RBFOX1: variants seen among roughly 807,000 people sequenced by gnomAD.
The protein encoded by RBFOX1 is RNA binding protein fox-1 homolog 1.
Under a neutral mutation model 57.7 loss-of-function variants are expected in RBFOX1, and 8 were observed. The observed-to-expected ratio is 0.14, with a 90% CI of 0.08 to 0.25. RBFOX1 has a LOEUF of 0.25. Among genes scored for constraint, RBFOX1 ranks in the 10% least tolerant of loss-of-function variants. RBFOX1 has a pLI of 1.00. For missense variants in RBFOX1, 611 were observed against 548.5 expected, an observed-to-expected ratio of 1.11 and a Z score of -1.14; for synonymous variants, 326 against 222.4, an observed-to-expected ratio of 1.47 and a Z score of -4.15.
At chr16:5,578,267 T>C (rs2046537167) in intron 2 of RBFOX1, among the ~76,000 whole-genome samples, 2 of 152,282 alleles carry the variant, frequency 1.3e-5, no homozygotes, top group South Asian at 4.2e-4. Flanking sequence ...TTGTGATGGA[T>C]GACCTGGGCT....
At chr16:6,046,325 A>G (rs1466881394) in intron 1 of RBFOX1, among the ~76,000 whole-genome samples, 1 of 152,176 alleles carries the variant, frequency 6.6e-6, no homozygotes, top group African/African-American at 2.4e-5. Flanking sequence ...AGCATGAATG[A>G]CTTCTAGCAA....
chr16:5,316,258 G>T (rs553705382), intron 1 of RBFOX1, among the ~76,000 whole-genome samples: 1 of 152,318 alleles, frequency 6.6e-6, no homozygotes, highest in African/African-American at 2.4e-5. Context: ...GGAAAGATCT[G>T]TGCCTTCTCA....
intron 1 of RBFOX1, among the ~76,000 whole-genome samples, chr16:6,307,192 G>A (rs1395867793): frequency 6.6e-5 from 10 of 152,240 alleles, no homozygotes; most frequent in African/African-American, 2.4e-4. Context: ...AATAATGGTG[G>A]TTGTGCTTAG....
At chr16:6,350,646 C>G (rs1041963569) in intron 2 of RBFOX1, among the ~76,000 whole-genome samples, 7 of 152,100 alleles carry the variant, frequency 4.6e-5, no homozygotes, top group Non-Finnish European at 1.0e-4. Flanking sequence ...CCTTTTAAAT[C>G]ACTTCTCTGT....
At chr16:6,241,180 A>G (rs2097538298) in intron 1 of RBFOX1, among the ~76,000 whole-genome samples, 2 of 152,246 alleles carry the variant, frequency 1.3e-5, no homozygotes. Flanking sequence ...AGAGATAAAA[A>G]TAAGCGAAAT....
At chr16:5,788,280 T>C (rs2054576333) in intron 3 of RBFOX1, among the ~76,000 whole-genome samples, 1 of 152,172 alleles carries the variant, frequency 6.6e-6, no homozygotes, top group Non-Finnish European at 1.5e-5. Flanking sequence ...ATTTTTAAAT[T>C]GTATTAACTG....
intron 4 of RBFOX1, among the ~76,000 whole-genome samples, chr16:7,257,710 C>T (rs140705218): frequency 7.6e-4 from 116 of 152,318 alleles, no homozygotes; most frequent in African/African-American, 2.5e-3. Flanking sequence ...GAAATCTCTC[C>T]CTTGCTCTGT....
intron 4 of RBFOX1, among the ~76,000 whole-genome samples, chr16:7,151,556 G>T (rs181243109): frequency 6.6e-6 from 1 of 152,276 alleles, no homozygotes; most frequent in Admixed American, 6.5e-5. Flanking sequence ...TGGCATTAGG[G>T]ACTGGTTTCA....
chr16:6,632,468 G>C (rs914037239), intron 2 of RBFOX1, among the ~76,000 whole-genome samples: 2 of 152,216 alleles, frequency 1.3e-5, no homozygotes, highest in Non-Finnish European at 2.9e-5. Flanking sequence ...TAGTGTTACA[G>C]TATTTCCTTG....
At chr16:6,917,362 A>G (rs2073433620) in intron 3 of RBFOX1, among the ~76,000 whole-genome samples, 2 of 152,254 alleles carry the variant, frequency 1.3e-5, no homozygotes, top group African/African-American at 2.4e-5. Context: ...GGGATTGCAC[A>G]TGAAATGAAG....
intron 3 of RBFOX1, among the ~76,000 whole-genome samples, chr16:6,790,636 G>A (rs903365522): frequency 2.0e-5 from 3 of 152,000 alleles, no homozygotes; most frequent in Non-Finnish European, 2.9e-5. Context: ...CTGTAGTTAG[G>A]ACTCTGAGCT....
At chr16:5,704,816 A>G (rs1230543975) in intron 3 of RBFOX1, among the ~76,000 whole-genome samples, 1 of 152,190 alleles carries the variant, frequency 6.6e-6, no homozygotes, top group African/African-American at 2.4e-5. Flanking sequence ...GGCCAGTGCC[A>G]GGACCCCCTT....
chr16:6,750,413 C>T (rs1444303701), intron 3 of RBFOX1, among the ~76,000 whole-genome samples: 3 of 152,212 alleles, frequency 2.0e-5, no homozygotes, highest in Non-Finnish European at 4.4e-5. Flanking sequence ...AAGCTGAAAC[C>T]AGGGTGGCTC....
chr16:6,519,751 C>A (rs2096463180), intron 2 of RBFOX1, among the ~76,000 whole-genome samples: 1 of 152,042 alleles, frequency 6.6e-6, no homozygotes, highest in African/African-American at 2.4e-5. Context: ...TACCCACCAC[C>A]TATTGTATGC....
intron 2 of RBFOX1, among the ~76,000 whole-genome samples, chr16:6,519,323 G>T (rs8061576): frequency 0.029 from 4,482 of 152,216 alleles, 133 homozygotes; most frequent in African/African-American, 0.075. Context: ...TGTCATTGCA[G>T]TTAATACTTC....
intron 5 of RBFOX1, among the ~76,000 whole-genome samples, chr16:7,540,604 A>T (rs961640460): frequency 6.6e-6 from 1 of 152,170 alleles, no homozygotes; most frequent in Non-Finnish European, 1.5e-5. Context: ...TGCTGTCTCT[A>T]TGGTTGTTGT....
intron 4 of RBFOX1, among the ~76,000 whole-genome samples, chr16:7,487,934 A>G (rs1363940990): frequency 6.6e-6 from 1 of 152,142 alleles, no homozygotes; most frequent in Non-Finnish European, 1.5e-5. Flanking sequence ...CTGCTCAGGG[A>G]TTCCCACTCT....
intron 1 of RBFOX1, among the ~76,000 whole-genome samples, chr16:6,285,043 G>A (rs1289594359): frequency 6.6e-6 from 1 of 152,060 alleles, no homozygotes; most frequent in Non-Finnish European, 1.5e-5. Flanking sequence ...ACCGAGAGAG[G>A]CAAGGAAATC....
At chr16:6,523,354 G>T (rs1030443995) in intron 2 of RBFOX1, among the ~76,000 whole-genome samples, 1 of 152,260 alleles carries the variant, frequency 6.6e-6, no homozygotes, top group East Asian at 1.9e-4. Context: ...AGATGGTTTG[G>T]TGTGGGGCTG....
Sources: allele counts gnomAD v4.1 joint callset (sites outside exome capture counted in the v4.1 genomes callset), GRCh38; gene constraint gnomAD v4.1.1; transcripts MANE v1.5; gene names NCBI Gene and HGNC (gene_info 2026-07-23, HGNC 2026-07-21).